The following WDR70 variants were observed in gnomAD, a reference collection of about 807,000 sequenced individuals.
WDR70 encodes WD repeat-containing protein 70.
In WDR70, 53 loss-of-function variants were observed where a neutral mutation model predicts 88.6. The ratio of observed to expected loss-of-function variants is 0.60; its 90% CI spans 0.48 to 0.75. The LOEUF is 0.75. Among genes scored for constraint, WDR70 ranks in the 30% least tolerant of loss-of-function variants. The pLI, the probability that WDR70 is intolerant of heterozygous loss-of-function variation, is 0.00. For missense variants in WDR70, 610 were observed against 823.2 expected (o/e 0.74, Z 3.17); for synonymous variants, 280 against 270.0 (o/e 1.04, Z -0.36).
chr5:37,658,585 A>G (rs971711891), intron 10 of WDR70, among the ~76,000 whole-genome samples: 5 of 152,090 alleles, frequency 3.3e-5, no homozygotes, highest in Non-Finnish European at 7.3e-5. Flanking sequence ...CCTGTCCCCT[A>G]GGCAGAATTA....
chr5:37,525,016 G>A (rs1030096249), intron 9 of WDR70, among the ~76,000 whole-genome samples: 4 of 152,014 alleles, frequency 2.6e-5, no homozygotes, highest in African/African-American at 2.4e-5. Context: ...TTAGACTCCT[G>A]CACAATAATA....
intron 17 of WDR70, among the ~76,000 whole-genome samples, chr5:37,743,816 G>C (rs1321377073): frequency 6.6e-6 from 1 of 152,218 alleles, no homozygotes; most frequent in Admixed American, 6.5e-5. Context: ...AGTCTTTGCA[G>C]ACCAACAGAC....
At chr5:37,505,169 G>A (rs1176499693) in intron 8 of WDR70, among the ~76,000 whole-genome samples, 3 of 152,014 alleles carry the variant, frequency 2.0e-5, no homozygotes, top group Admixed American at 2.0e-4. Context: ...TCTTTTATCA[G>A]GCAACTCTGC....
intron 8 of WDR70, among the ~76,000 whole-genome samples, chr5:37,511,783 A>G (rs564254446): frequency 6.6e-6 from 1 of 152,296 alleles, no homozygotes; most frequent in African/African-American, 2.4e-5. Flanking sequence ...CAACAGGGCT[A>G]AACCTTACTC....
At chr5:37,492,507 C>T (rs971834292) in intron 8 of WDR70, among the ~76,000 whole-genome samples, 8 of 152,124 alleles carry the variant, frequency 5.3e-5, no homozygotes, top group African/African-American at 1.7e-4. Context: ...ACACAATGGA[C>T]TTTAAGAAAG....
At chr5:37,666,035 TG>T (rs1745832291) in intron 10 of WDR70, among the ~76,000 whole-genome samples, 1 of 152,174 alleles carries the variant, frequency 6.6e-6, no homozygotes, top group Admixed American at 6.5e-5. Context: ...GCAGCCAGGC[TG>T]AGGGAAGGAA....
intron 7 of WDR70, among the ~76,000 whole-genome samples, chr5:37,452,158 T>C (rs1386045139): frequency 2.0e-5 from 3 of 152,234 alleles, no homozygotes; most frequent in African/African-American, 7.2e-5. Context: ...GTTTTGCCAA[T>C]TGCAAATTTG....
chr5:37,413,016 T>G (rs1418719461), intron 5 of WDR70, among the ~76,000 whole-genome samples: 1 of 152,066 alleles, frequency 6.6e-6, no homozygotes, highest in Non-Finnish European at 1.5e-5. Flanking sequence ...AAGAAAAGTT[T>G]TAAAAAATTG....
chr5:37,440,471 G>A (rs1207759906), intron 6 of WDR70, among the ~76,000 whole-genome samples: 3 of 152,020 alleles, frequency 2.0e-5, no homozygotes, highest in Admixed American at 1.3e-4. Context: ...TCAGCCTCCC[G>A]AGTAGCTGGG....
chr5:37,455,348 G>A lies in WDR70; in HGVS notation c.686+11976G>A, dbSNP rs192016719. Among the ~76,000 whole-genome samples, 14 of 150,546 alleles carry A rather than the reference G, an allele frequency of 9.3e-5. No individual in the cohort carries two copies. The East Asian group carries it at 2.6e-3, about 27-fold the overall frequency. On this transcript the variant is annotated intron_variant, in intron 7 of 17. Transcript: ENST00000265107. Reference sequence around the variant, plus strand: ...CAACCTCTGCCTCCCAGGTTCAAGCGATTCTCCTGCCTCAGCCTGCTGAGG... The same window carrying A: ...CAACCTCTGCCTCCCAGGTTCAAGCAATTCTCCTGCCTCAGCCTGCTGAGG...
At chr5:37,574,971 G>A (rs1442402076) in intron 9 of WDR70, among the ~76,000 whole-genome samples, 1 of 152,092 alleles carries the variant, frequency 6.6e-6, no homozygotes, top group East Asian at 1.9e-4. Flanking sequence ...CCATCATGTG[G>A]ACTCTGCAGT....
intron 14 of WDR70, chr5:37,721,611 T>C (rs2112696154): frequency 5.7e-6 from 1 of 175,444 alleles, no homozygotes; most frequent in Middle Eastern, 2.6e-3. Flanking sequence ...CTTCTTTCTT[T>C]TTTGGCTTCT....
chr5:37,687,030 A>G (rs2112628690), intron 10 of WDR70, among the ~76,000 whole-genome samples: 1 of 152,022 alleles, frequency 6.6e-6, no homozygotes, highest in Non-Finnish European at 1.5e-5. Context: ...TTCCTAAAGA[A>G]CGATATTCTT....
At chr5:37,463,960 C>T (rs527651800) in intron 7 of WDR70, among the ~76,000 whole-genome samples, 4 of 152,214 alleles carry the variant, frequency 2.6e-5, no homozygotes, top group East Asian at 1.9e-4. Flanking sequence ...TAAAAGTGTT[C>T]CTATATAGCA....
chr5:37,410,052 T>G (rs1243783411), intron 5 of WDR70, among the ~76,000 whole-genome samples: 1 of 80,396 alleles, frequency 1.2e-5, no homozygotes, highest in Non-Finnish European at 2.2e-5. Context: ...TCCACTAGTG[T>G]TTTTTTTTTT....
intron 9 of WDR70, among the ~76,000 whole-genome samples, chr5:37,595,907 A>T (rs1240835846): frequency 6.6e-6 from 1 of 152,182 alleles, no homozygotes; most frequent in Non-Finnish European, 1.5e-5. Flanking sequence ...ATCAACTTTG[A>T]GGTCTAATCT....
chr5:37,435,725 C>T (rs1295126120), intron 5 of WDR70, among the ~76,000 whole-genome samples: 1 of 152,124 alleles, frequency 6.6e-6, no homozygotes, highest in East Asian at 1.9e-4. Flanking sequence ...TCTCACTTAC[C>T]AGGCTGGCCT....
At chr5:37,488,469 A>T (rs1739961775) in intron 8 of WDR70, among the ~76,000 whole-genome samples, 1 of 146,152 alleles carries the variant, frequency 6.8e-6, no homozygotes, top group Non-Finnish European at 1.5e-5. Context: ...CCCATACATT[A>T]TGTAGGCTTT....
chr5:37,688,765 C>T (rs980452159), intron 10 of WDR70, among the ~76,000 whole-genome samples: 7 of 132,628 alleles, frequency 5.3e-5, no homozygotes, highest in Admixed American at 1.7e-4. Flanking sequence ...CCAGTGTGAT[C>T]GACGCAGAAG....
Sources: gnomAD v4.1 joint callset for allele counts (sites outside exome capture counted in the v4.1 genomes callset) on GRCh38, gnomAD v4.1.1 for gene constraint, MANE v1.5 for transcripts, NCBI Gene and HGNC (gene_info 2026-07-23, HGNC 2026-07-21) for gene names.